The following LSG1 variants were observed in gnomAD, a reference collection of about 807,000 sequenced individuals.
LSG1 encodes the protein large subunit GTPase 1 homolog.
Under a neutral mutation model 82.6 loss-of-function variants are expected in LSG1, and 55 were observed. The ratio of observed to expected loss-of-function variants is 0.67; its 90% CI spans 0.54 to 0.83. LSG1 has a LOEUF of 0.83. LSG1 is among the 40% of genes least tolerant of loss of function. The pLI, the probability that LSG1 is intolerant of heterozygous loss-of-function variation, is 0.00. For missense variants in LSG1, 809 were observed against 807.9 expected (o/e 1.00, Z -0.02); for synonymous variants, 272 against 282.5 (o/e 0.96, Z 0.37).
chr3:194,671,765 C>A, intron 1 of LSG1: 1 of 434,872 alleles, frequency 2.3e-6, no homozygotes, highest in Non-Finnish European at 4.1e-6. Flanking sequence ...AAGTTCCAAG[C>A]ACTTCAGTGG....
chr3:194,658,967 C>T lies in LSG1; in HGVS notation c.749G>A (p.Gly250Asp), dbSNP rs1718864284. 2.5e-6 allele frequency: 4 copies of T among 1,613,368 alleles called. No homozygotes were observed. Among genetic ancestry groups the T allele is most frequent in the Non-Finnish European group, 3.4e-6 (4 of 1,179,632 alleles). Residue 250 changes from glycine to aspartate, a missense_variant, in exon 7 of 14, where the codon GGT becomes GAT. Coordinates refer to ENST00000265245, the MANE Select transcript of LSG1 (RefSeq NM_018385.3). ...TGTCCCTCAGGTTACCTCAGAGTCA[C>T]CATTCAGGGGAATGGCTCCGGCCAA... is the stretch of plus-strand genomic sequence containing the variant. ...SALAGAIPLN[G>D]DSEEEANRDD...
intron 11 of LSG1, among the ~76,000 whole-genome samples, chr3:194,648,069 A>G (rs1045774727): frequency 2.1e-5 from 3 of 142,982 alleles, no homozygotes; most frequent in Admixed American, 7.0e-5. Context: ...TGTTTCCCAC[A>G]CTGCTATTTT....
intron 2 of LSG1, among the ~76,000 whole-genome samples, chr3:194,667,472 T>C (rs1719053035): frequency 6.6e-6 from 1 of 152,122 alleles, no homozygotes; most frequent in African/African-American, 2.4e-5. Context: ...ATACACACCC[T>C]TACACTTCTC....
At chr3:194,654,633 T>C (rs918251991) in intron 7 of LSG1, among the ~76,000 whole-genome samples, 9 of 152,168 alleles carry the variant, frequency 5.9e-5, no homozygotes, top group African/African-American at 2.2e-4. Context: ...GTGGGCTCTT[T>C]TGAGTCATTT....
intron 5 of LSG1, among the ~76,000 whole-genome samples, chr3:194,662,171 G>C (rs921201090): frequency 2.0e-5 from 3 of 152,210 alleles, no homozygotes; most frequent in Non-Finnish European, 4.4e-5. Context: ...TAATCCATCT[G>C]AACAGTGAGC....
chr3:194,659,364 C>T (rs1031378611), intron 6 of LSG1, among the ~76,000 whole-genome samples: 3 of 152,080 alleles, frequency 2.0e-5, no homozygotes, highest in Admixed American at 1.3e-4. Context: ...TAATCTGGGC[C>T]AGGCATGGGG....
In LSG1 at chr3:194,642,080, G is replaced by C. The variant is rs757027848; in HGVS notation, c.1965C>G (p.His655Gln). 19 of 1,612,310 alleles carry C rather than the reference G, an allele frequency of 1.2e-5. No individual in the cohort carries two copies. The highest frequency in any genetic ancestry group is 1.5e-5 in the Non-Finnish European group (18 of 1,180,008). Reference protein sequence around the residue: ...KKEKSRRLYKHLDM With the variant: ...KKEKSRRLYKQLDM ...TTGCAGCCCAACCTCACATATCCAGGTGCTTGTAGAGTCTACGACTTTTTT... is the reference window on the plus strand; with the variant it reads ...TTGCAGCCCAACCTCACATATCCAGCTGCTTGTAGAGTCTACGACTTTTTT... The change falls in exon 14 of 14, where the codon CAC (histidine) becomes CAG (glutamine). Residue 655 changes from histidine to glutamine, a missense_variant. By Grantham distance (24) the His-to-Gln change is conservative. Transcript: ENST00000265245.
At chr3:194,648,907 C>T in intron 10 of LSG1, 103 bp from the exon 11 acceptor site, 2 of 1,118,094 alleles carry the variant, frequency 1.8e-6, no homozygotes, top group Admixed American at 2.2e-5. Flanking sequence ...GTGTGACAAA[C>T]ACTCTCTCCT....
In LSG1 at chr3:194,666,560, A is replaced by G; in HGVS notation, c.239T>C (p.Ile80Thr). 6.2e-7 allele frequency: 1 copy of G among 1,611,520 alleles called. No homozygotes were observed. Among genetic ancestry groups the G allele is most frequent in the Non-Finnish European group, 8.5e-7 (1 of 1,178,510 alleles). Residue 80 changes from isoleucine to threonine, a missense_variant, in exon 3 of 14, where the codon ATT becomes ACT. Ile to Thr is a moderately conservative substitution (Grantham distance 89). Coordinates refer to ENST00000265245, the MANE Select transcript of LSG1 (RefSeq NM_018385.3). ...GTEFVAEKLNIKFVPAEARTG... is the reference protein window; with the variant it reads ...GTEFVAEKLNTKFVPAEARTG... The stretch of plus-strand genomic sequence containing the variant: ...TCTAGCCTCAGCAGGCACAAACTTA[A>G]TATTAAGTTTCTCTGTTCAAATAAA...
rs745641986 is a variant in LSG1, at chr3:194,641,282, C to T, written c.*786G>A. The T allele has an allele frequency of 6.6e-6, 1 of 152,190 alleles. No homozygotes were observed. Among genetic ancestry groups the T allele is most frequent in the Non-Finnish European group, 1.5e-5 (1 of 68,042 alleles). The allele number at this position is 152,190 out of a possible 1,614,324, so 9.4% of individuals were successfully genotyped here. On this transcript the variant is annotated 3_prime_UTR_variant, in exon 14 of 14. Coordinates refer to ENST00000265245, the MANE Select transcript of LSG1 (RefSeq NM_018385.3). ...ACCATCGCTACAGTCAATTTTAGGA[C>T]ATTTTTATCACTGCAAAAGAAAGAC...
intron 13 of LSG1, among the ~76,000 whole-genome samples, chr3:194,644,020 T>C (rs1033350753): frequency 1.4e-4 from 22 of 152,010 alleles, no homozygotes; most frequent in African/African-American, 5.3e-4. Flanking sequence ...GATTGATTAT[T>C]GGTTGGCAGG....
intron 2 of LSG1, among the ~76,000 whole-genome samples, 174 bp downstream of exon 2, chr3:194,669,835 G>C (rs2108623414): frequency 6.6e-6 from 1 of 152,270 alleles, no homozygotes; most frequent in African/African-American, 2.4e-5. Flanking sequence ...GGGAGGCTGA[G>C]GCAGGTGAAT....
chr3:194,649,387 C>G (rs181515341), intron 10 of LSG1, among the ~76,000 whole-genome samples: 4 of 152,154 alleles, frequency 2.6e-5, no homozygotes, highest in African/African-American at 7.2e-5. Flanking sequence ...TATTAATTTA[C>G]AGAGAAACTT....
chr3:194,652,882 A>T lies in LSG1; in HGVS notation c.1020T>A (p.Ser340=). ...TGCTCCGAGCCTCAGAATCTGCAGT[A>T]GAGCTTTCCTTCCAGTCCTGGCTGC... ...EDCSQDWKES[S]TADSEARSRK... Residue 340 remains serine (S), a synonymous_variant, in exon 8 of 14, where the codon TCT becomes TCA. Coordinates refer to ENST00000265245, the MANE Select transcript of LSG1 (RefSeq NM_018385.3). 1 of 1,614,036 alleles carries T rather than the reference A, an allele frequency of 6.2e-7. No individual in the cohort carries two copies. Among genetic ancestry groups the T allele is most frequent in the Non-Finnish European group, 8.5e-7 (1 of 1,179,970 alleles).
chr3:194,645,846 T>C (rs1248378022), intron 12 of LSG1, among the ~76,000 whole-genome samples: 2 of 152,116 alleles, frequency 1.3e-5, no homozygotes, highest in Non-Finnish European at 2.9e-5. Flanking sequence ...TAGGCAAATA[T>C]AGAGATAGGC....
At chr3:194,656,082 C>T (rs374060803) in intron 7 of LSG1, among the ~76,000 whole-genome samples, 2 of 151,796 alleles carry the variant, frequency 1.3e-5, no homozygotes, top group Middle Eastern at 6.4e-3. Context: ...ATTCAGGACA[C>T]AGGCATGGGC....
At chr3:194,671,405 G>A (rs1381840238) in intron 1 of LSG1, among the ~76,000 whole-genome samples, 6 of 152,134 alleles carry the variant, frequency 3.9e-5, no homozygotes, top group Non-Finnish European at 8.8e-5. Flanking sequence ...CGCTTACTTA[G>A]CTCCAGGGAC....
rs535920355 is a variant in LSG1, at chr3:194,658,606, G to A, written c.759+351C>T. Among the ~76,000 whole-genome samples, 4 of 152,254 alleles carry A rather than the reference G, an allele frequency of 2.6e-5. No individual in the cohort carries two copies. In the South Asian group the frequency reaches 8.3e-4, roughly 32 times the overall value. ...AAAAGAGATTCTAATCAAGTCCTGAGAACTGACTACATCCTTCAGTTGTAC... is the reference window on the plus strand; with the variant it reads ...AAAAGAGATTCTAATCAAGTCCTGAAAACTGACTACATCCTTCAGTTGTAC... On this transcript the variant is annotated intron_variant, in intron 7 of 13. Coordinates refer to ENST00000265245, the MANE Select transcript of LSG1 (RefSeq NM_018385.3).
At position 194,666,571 on chromosome 3, in the gene LSG1, C is replaced by T. The variant is rs1675943; in HGVS notation, c.228G>A (p.Glu76=). 0.5 allele frequency: 807,245 copies of T among 1,605,580 alleles called. 206,325 individuals are homozygous for T. Among genetic ancestry groups the T allele is most frequent in the Non-Finnish European group, 0.53 (616,850 of 1,174,162 alleles). ...AELAGTEFVA[E]KLNIKFVPAE... Reference sequence around the variant, plus strand: ...CAGGCACAAACTTAATATTAAGTTTCTCTGTTCAAATAAAGAAAAGTACTA... The same window carrying T: ...CAGGCACAAACTTAATATTAAGTTTTTCTGTTCAAATAAAGAAAAGTACTA... The change falls in exon 3 of 14, where the codon GAG becomes GAA. Residue 76 remains glutamate (E), a splice_region_variant and synonymous_variant. Coordinates refer to ENST00000265245, the MANE Select transcript of LSG1 (RefSeq NM_018385.3).
Sources: gnomAD v4.1 joint callset for allele counts (sites outside exome capture counted in the v4.1 genomes callset) on GRCh38, gnomAD v4.1.1 for gene constraint, MANE v1.5 for transcripts, NCBI Gene and HGNC (gene_info 2026-07-23, HGNC 2026-07-21) for gene names.